Variants in PHLPP1 observed in about 807,000 individuals in gnomAD.
The protein encoded by PHLPP1 is PH domain and leucine rich repeat protein phosphatase 1, also known as PH domain leucine-rich repeat-containing protein phosphatase 1.
Under a neutral mutation model 117.2 loss-of-function variants are expected in PHLPP1, and 42 were observed. The ratio of observed to expected loss-of-function variants is 0.36; its 90% CI spans 0.28 to 0.46. PHLPP1 has a LOEUF of 0.46. Ranked by LOEUF, PHLPP1 falls within the 20% of genes least tolerant of loss-of-function variation. The probability of loss-of-function intolerance (pLI) is 1.00; values close to 1 mark genes in which losing one functional copy is unlikely to be tolerated. For missense variants in PHLPP1, 2,084 were observed against 2,241.9 expected, an observed-to-expected ratio of 0.93 and a Z score of 1.42; for synonymous variants, 1,042 against 970.7, an observed-to-expected ratio of 1.07 and a Z score of -1.37.
In PHLPP1 at chr18:62,906,002, A is replaced by ATTGGAAT. The variant is rs549846827; in HGVS notation, c.2708+720_2708+721insGGAATTT. 5.1e-4 allele frequency among the ~76,000 whole-genome samples: 77 copies of ATTGGAAT among 152,134 alleles called. 2 individuals are homozygous for ATTGGAAT. The South Asian group carries it at 0.016, about 31-fold the overall frequency. On this transcript the variant is annotated intron_variant, in intron 8 of 16. Coordinates refer to ENST00000262719, the MANE Select transcript of PHLPP1 (RefSeq NM_194449.4). The stretch of plus-strand genomic sequence containing the variant: ...ACAATGAATTTTAAAATTGCAACTC[A>ATTGGAAT]TTTGGAAGGTAACTCCAAAGGAGAT...
chr18:62,723,888 G>A (rs1910993624), intron 1 of PHLPP1, among the ~76,000 whole-genome samples: 1 of 152,170 alleles, frequency 6.6e-6, no homozygotes, highest in Admixed American at 6.5e-5. Context: ...GGAGTAGAGC[G>A]AGTCCAAGAT....
At chr18:62,888,337 GTT>G (rs1555679785) in intron 4 of PHLPP1, among the ~76,000 whole-genome samples, 1 of 114,630 alleles carries the variant, frequency 8.7e-6, no homozygotes, top group African/African-American at 3.0e-5. Flanking sequence ...GTGTGTGTAT[GTT>G]TTTTTTTTCT....
chr18:62,978,115 C>A lies in PHLPP1; in HGVS notation c.3985-147C>A. The stretch of plus-strand genomic sequence containing the variant: ...ACAGGTGCACATTAACTACTCACTA[C>A]AGAGTGAGCCCTTCTTTCCTCTGTG... On this transcript the variant is annotated intron_variant, in intron 16 of 16. Transcript: ENST00000262719. This position sits in a 1 kb window ranked among gnomAD's most constrained non-coding sequence, Gnocchi z 7.0. The A allele has an allele frequency of 1.7e-6, 1 of 600,026 alleles. No homozygotes were observed. Among genetic ancestry groups the A allele is most frequent in the Non-Finnish European group, 3.0e-6 (1 of 334,506 alleles). 37.2% of individuals were successfully genotyped at this position (600,026 alleles called of 1,614,324 possible).
chr18:62,921,012 A>G (rs1485967547), intron 10 of PHLPP1, among the ~76,000 whole-genome samples: 1 of 152,238 alleles, frequency 6.6e-6, no homozygotes, highest in African/African-American at 2.4e-5. Flanking sequence ...GGAGAGGTTA[A>G]TTTCAACATT....
rs951818421 is a variant in PHLPP1, at chr18:62,817,785, G to GA, written c.1577-12243dup. On this transcript the variant is annotated intron_variant, in intron 1 of 16. Coordinates refer to ENST00000262719, the MANE Select transcript of PHLPP1 (RefSeq NM_194449.4). ...AATTGCTTAAAACCAGTGATAAAAA[G>GA]AAAAAAATCTTTAAAAAAGCACTGA... Among the ~76,000 whole-genome samples, 5 of 138,354 alleles carry GA rather than the reference G, an allele frequency of 3.6e-5. No homozygotes were observed. In the East Asian group the frequency reaches 8.5e-4, roughly 24 times the overall value. 90.8% of individuals were successfully genotyped at this position (138,354 alleles called of 152,430 possible). A position where few individuals can be genotyped will look rare whatever the true frequency, so the allele number is the denominator to read the frequency against.
chr18:62,846,330 G>C (rs1915182898), intron 3 of PHLPP1, among the ~76,000 whole-genome samples: 1 of 151,834 alleles, frequency 6.6e-6, no homozygotes. Flanking sequence ...TGTGAGAAAA[G>C]TTTGGAAATT....
chr18:62,787,979 A>G (rs999638347), intron 1 of PHLPP1, among the ~76,000 whole-genome samples: 1 of 152,174 alleles, frequency 6.6e-6, no homozygotes, highest in Non-Finnish European at 1.5e-5. Flanking sequence ...TTGGGAGAAC[A>G]TTGCTAGTTT....
chr18:62,776,007 A>G (rs1912942423), intron 1 of PHLPP1, among the ~76,000 whole-genome samples: 1 of 152,126 alleles, frequency 6.6e-6, no homozygotes, highest in Non-Finnish European at 1.5e-5. Flanking sequence ...AAAGAGAACC[A>G]ATAAGATAGC....
chr18:62,792,335 A>G (rs191405804), intron 1 of PHLPP1, among the ~76,000 whole-genome samples: 61 of 152,258 alleles, frequency 4.0e-4, no homozygotes, highest in East Asian at 3.1e-3. Flanking sequence ...TTTGTGTTCT[A>G]TGGGCACTGG....
intron 3 of PHLPP1, chr18:62,839,855 A>G (rs1387309374): frequency 6.7e-6 from 1 of 149,700 alleles, no homozygotes; most frequent in Non-Finnish European, 1.5e-5. Context: ...TAAGACAAAT[A>G]AATGCTGATA....
intron 1 of PHLPP1, among the ~76,000 whole-genome samples, chr18:62,766,074 A>AAAAAAAAAAAAAT (rs1912481403): frequency 5.5e-5 from 1 of 18,232 alleles, no homozygotes. Flanking sequence ...AAAAAAAAAA[A>AAAAAAAAAAAAAT]AAATATATAT....
intron 1 of PHLPP1, among the ~76,000 whole-genome samples, chr18:62,820,722 C>G (rs1385506266): frequency 6.6e-6 from 1 of 152,180 alleles, no homozygotes; most frequent in East Asian, 1.9e-4. Flanking sequence ...AATTAAAGCC[C>G]TTTCCTTAAT....
intron 1 of PHLPP1, chr18:62,826,222 A>G (rs761413482): frequency 2.4e-6 from 1 of 410,362 alleles, no homozygotes; most frequent in African/African-American, 2.1e-5. Context: ...TATGACATGA[A>G]AAGATTGAAC....
chr18:62,767,421 A>G (rs867548533), intron 1 of PHLPP1, among the ~76,000 whole-genome samples: 2 of 152,240 alleles, frequency 1.3e-5, no homozygotes, highest in South Asian at 2.1e-4. Flanking sequence ...GAATAAACCC[A>G]TTACTGTATA....
intron 1 of PHLPP1, among the ~76,000 whole-genome samples, chr18:62,742,414 A>G (rs1408597070): frequency 6.6e-6 from 1 of 152,114 alleles, no homozygotes; most frequent in African/African-American, 2.4e-5. Context: ...GAATAAAGGC[A>G]TAGTCTTTTT....
intron 10 of PHLPP1, among the ~76,000 whole-genome samples, chr18:62,938,994 C>CTTTCTTTTTTTTTTT (rs368316862): frequency 7.8e-6 from 1 of 128,690 alleles, no homozygotes; most frequent in African/African-American, 2.9e-5. Context: ...TTCTTTCTTT[C>CTTTCTTTTTTTTTTT]TTTTTTTTTT....
chr18:62,938,338 T>A (rs960319170), intron 10 of PHLPP1, among the ~76,000 whole-genome samples: 12 of 152,134 alleles, frequency 7.9e-5, no homozygotes, highest in Admixed American at 7.9e-4. Flanking sequence ...TGGAGCCTAT[T>A]TATTTACTAA....
At chr18:62,793,887 T>A (rs982689500) in intron 1 of PHLPP1, among the ~76,000 whole-genome samples, 10 of 152,208 alleles carry the variant, frequency 6.6e-5, no homozygotes, top group Non-Finnish European at 1.5e-5. Context: ...GCCAGTTGGG[T>A]CTTAATTTCC....
chr18:62,967,203 A>G (rs1910928489), intron 14 of PHLPP1, among the ~76,000 whole-genome samples: 1 of 152,234 alleles, frequency 6.6e-6, no homozygotes, highest in South Asian at 2.1e-4. Context: ...ACAGGTTGCA[A>G]ACAGTTACAT....
Sources: gnomAD v4.1 joint callset for allele counts (sites outside exome capture counted in the v4.1 genomes callset) on GRCh38, gnomAD v4.1.1 for gene constraint, Gnocchi (gnomAD v3.1) non-coding constraint, MANE v1.5 for transcripts, NCBI Gene and HGNC (gene_info 2026-07-23, HGNC 2026-07-21) for gene names.